Variants in TYW1 observed in about 807,000 individuals in gnomAD.
TYW1 encodes S-adenosyl-L-methionine-dependent tRNA 4-demethylwyosine synthase TYW1.
Under a neutral mutation model 96.2 loss-of-function variants are expected in TYW1, and 46 were observed. That is an observed-to-expected ratio of 0.48 (90% confidence interval 0.38 to 0.61). The LOEUF (loss-of-function observed/expected upper bound fraction) is 0.61, where lower values mean the gene tolerates loss of function less well. Ranked by LOEUF, TYW1 falls within the 20% of genes least tolerant of loss-of-function variation. The probability of loss-of-function intolerance (pLI) is 0.00; values close to 1 mark genes in which losing one functional copy is unlikely to be tolerated. For missense variants in TYW1, 684 were observed against 909.6 expected (o/e 0.75, Z 3.19); for synonymous variants, 274 against 323.0 (o/e 0.85, Z 1.63).
intron 13 of TYW1, among the ~76,000 whole-genome samples, chr7:67,148,193 A>G (rs1003559718): frequency 2.0e-5 from 3 of 151,968 alleles, no homozygotes; most frequent in African/African-American, 7.2e-5. Context: ...GTAGGTAGAG[A>G]AGAAGATGTA....
chr7:67,091,619 A>C lies in TYW1; in HGVS notation c.1385-6922A>C, dbSNP rs2686999. Among the ~76,000 whole-genome samples the C allele has an allele frequency of 1.3e-4, 20 of 152,252 alleles. No homozygotes were observed. In the East Asian group the frequency reaches 2.7e-3, roughly 21 times the overall value. On this transcript the variant is annotated intron_variant, in intron 11 of 15. Transcript: ENST00000359626. Reference sequence around the variant, plus strand: ...CAATTTCTGTCATATTTCCTTGAGGACAGTGCAAGAAGACATGAAGTGGAG... The same window carrying C: ...CAATTTCTGTCATATTTCCTTGAGGCCAGTGCAAGAAGACATGAAGTGGAG...
chr7:67,015,559 C>T (rs1313265720), intron 5 of TYW1, among the ~76,000 whole-genome samples: 5 of 151,962 alleles, frequency 3.3e-5, no homozygotes, highest in Admixed American at 2.0e-4. Flanking sequence ...ACTGTGTTGC[C>T]CAGGCTTGGT....
At chr7:67,237,493 C>G (rs1394346749) in intron 15 of TYW1, among the ~76,000 whole-genome samples, 117 of 122,824 alleles carry the variant, frequency 9.5e-4, no homozygotes, top group African/African-American at 4.0e-3. Flanking sequence ...GAGTGAGACT[C>G]TGTCTCAAAA....
intron 4 of TYW1, among the ~76,000 whole-genome samples, chr7:67,013,221 C>A (rs55674430): frequency 0.085 from 12,759 of 150,652 alleles, 652 homozygotes; most frequent in East Asian, 0.22. Flanking sequence ...CTCCTGGGCT[C>A]AAGCAGTTCT....
In TYW1 at chr7:67,148,978, G is replaced by T. The variant is rs528474860; in HGVS notation, c.1698+31360G>T. Among the ~76,000 whole-genome samples the T allele has an allele frequency of 2.6e-5, 4 of 152,260 alleles. No homozygotes were observed. The East Asian group carries it at 7.7e-4, about 29-fold the overall frequency. Reference sequence around the variant, plus strand: ...TGATTGTGACCCATTGCCACAAACAGATAACAAAGAAGTCATCGCGCACCA... The same window carrying T: ...TGATTGTGACCCATTGCCACAAACATATAACAAAGAAGTCATCGCGCACCA... On this transcript the variant is annotated intron_variant, in intron 13 of 15. Coordinates refer to ENST00000359626, the MANE Select transcript of TYW1 (RefSeq NM_018264.4).
chr7:67,117,883 TA>T (rs1797642654), intron 13 of TYW1, among the ~76,000 whole-genome samples: 1 of 152,228 alleles, frequency 6.6e-6, no homozygotes, highest in African/African-American at 2.4e-5. Flanking sequence ...TTTATTCATT[TA>T]AGGAGAGAGG....
At chr7:67,168,275 T>C (rs1267931641) in intron 13 of TYW1, among the ~76,000 whole-genome samples, 1 of 152,134 alleles carries the variant, frequency 6.6e-6, no homozygotes, top group Non-Finnish European at 1.5e-5. Context: ...TTGGTTACTA[T>C]GTATTATCTT....
intron 5 of TYW1, among the ~76,000 whole-genome samples, chr7:67,016,664 G>T (rs2129242496): frequency 6.6e-6 from 1 of 152,234 alleles, no homozygotes; most frequent in East Asian, 1.9e-4. Context: ...TTGAGAGAGG[G>T]TCTCACCATG....
At chr7:67,080,499 A>G (rs1388989325) in intron 10 of TYW1, among the ~76,000 whole-genome samples, 1 of 151,412 alleles carries the variant, frequency 6.6e-6, no homozygotes, top group African/African-American at 2.4e-5. Flanking sequence ...TCCGCCTCTC[A>G]GGTTCAAGCA....
intron 13 of TYW1, among the ~76,000 whole-genome samples, chr7:67,157,930 T>C (rs1214683762): frequency 6.6e-6 from 1 of 152,196 alleles, no homozygotes; most frequent in Non-Finnish European, 1.5e-5. Context: ...CTTTGTGCTA[T>C]AAAGTTCTGT....
intron 12 of TYW1, among the ~76,000 whole-genome samples, chr7:67,112,142 T>A (rs1352470193): frequency 6.8e-6 from 1 of 147,196 alleles, no homozygotes; most frequent in African/African-American, 2.5e-5. Flanking sequence ...AAAAGCTCTT[T>A]ATGTATTGAT....
At chr7:67,145,850 G>C (rs542576757) in intron 13 of TYW1, among the ~76,000 whole-genome samples, 2 of 152,062 alleles carry the variant, frequency 1.3e-5, no homozygotes, top group African/African-American at 4.8e-5. Flanking sequence ...TGCCTCCTGG[G>C]CTTAAGCAAT....
chr7:67,107,426 A>G (rs1411019975), intron 12 of TYW1, among the ~76,000 whole-genome samples: 1 of 152,174 alleles, frequency 6.6e-6, no homozygotes, highest in Non-Finnish European at 1.5e-5. Context: ...TGAAACATGC[A>G]TGTCTGGATG....
chr7:67,103,839 C>T (rs1391744439), intron 12 of TYW1, among the ~76,000 whole-genome samples: 3 of 152,146 alleles, frequency 2.0e-5, no homozygotes, highest in African/African-American at 7.2e-5. Context: ...TGCTGAGCCT[C>T]TTGCAGCCAT....
intron 3 of TYW1, among the ~76,000 whole-genome samples, chr7:67,009,368 C>T (rs981784487): frequency 2.0e-5 from 3 of 152,144 alleles, no homozygotes; most frequent in African/African-American, 7.2e-5. Context: ...CCTATGTAAA[C>T]CCTGATCGGG....
chr7:67,031,850 A>T (rs1285121065), intron 7 of TYW1, among the ~76,000 whole-genome samples: 1 of 151,198 alleles, frequency 6.6e-6, no homozygotes, highest in Admixed American at 6.6e-5. Context: ...TACACCAACC[A>T]ACCAAATTTA....
chr7:67,171,451 T>G (rs1459076647), intron 13 of TYW1, among the ~76,000 whole-genome samples: 1 of 152,162 alleles, frequency 6.6e-6, no homozygotes, highest in Admixed American at 6.5e-5. Flanking sequence ...TTGCTAGGTC[T>G]TGGAGGAGAG....
At chr7:67,073,811 G>A (rs969144733) in intron 10 of TYW1, among the ~76,000 whole-genome samples, 6 of 142,366 alleles carry the variant, frequency 4.2e-5, no homozygotes, top group Admixed American at 7.1e-5. Context: ...GGCCAGGCGC[G>A]GTTGCTCACG....
At chr7:67,111,873 G>T (rs1797416321) in intron 12 of TYW1, among the ~76,000 whole-genome samples, 1 of 152,156 alleles carries the variant, frequency 6.6e-6, no homozygotes, top group Non-Finnish European at 1.5e-5. Flanking sequence ...GCTGAGCCAG[G>T]TGGGTCACCT....
Sources: allele counts gnomAD v4.1 joint callset (sites outside exome capture counted in the v4.1 genomes callset), GRCh38; gene constraint gnomAD v4.1.1; transcripts MANE v1.5; gene names NCBI Gene and HGNC (gene_info 2026-07-23, HGNC 2026-07-21).